ERBB4: variants seen among roughly 807,000 people sequenced by gnomAD.
ERBB4 encodes the protein erb-b2 receptor tyrosine kinase 4.
ERBB4 carries 42 observed loss-of-function variants against 158.0 expected under a neutral mutation model. The observed-to-expected ratio is 0.27, with a 90% CI of 0.21 to 0.34. ERBB4 has a LOEUF of 0.34. ERBB4 is among the 10% of genes least tolerant of loss of function. The pLI, the probability that ERBB4 is intolerant of heterozygous loss-of-function variation, is 1.00. For missense variants in ERBB4, 1,333 were observed against 1,624.1 expected (o/e 0.82, Z 3.08); for synonymous variants, 583 against 558.7 (o/e 1.04, Z -0.61).
At position 211,383,500 on chromosome 2, in the gene ERBB4, C is replaced by T. The variant is rs1323409710; in HGVS notation, c.*115G>A. 2.5e-6 allele frequency: 2 copies of T among 802,736 alleles called. No homozygotes were observed. The highest frequency in any genetic ancestry group is 2.5e-5 in the East Asian group (1 of 39,690). 49.7% of individuals were successfully genotyped at this position (802,736 alleles called of 1,614,324 possible). On this transcript the variant is annotated 3_prime_UTR_variant, in exon 28 of 28. Transcript: ENST00000342788. Reference sequence around the variant, plus strand: ...TATCATTGCATCTCTGTATCTTCCACTGGGAAGTGTCAAAACTACTGGCCT... The same window carrying T: ...TATCATTGCATCTCTGTATCTTCCATTGGGAAGTGTCAAAACTACTGGCCT...
At chr2:212,377,407 A>G (rs2090361049) in intron 1 of ERBB4, among the ~76,000 whole-genome samples, 1 of 151,844 alleles carries the variant, frequency 6.6e-6, no homozygotes, top group Non-Finnish European at 1.5e-5. Flanking sequence ...TTTAGGTGGT[A>G]TAGCCTTCTA....
chr2:212,395,145 C>G (rs1193791318), intron 1 of ERBB4, among the ~76,000 whole-genome samples: 1 of 152,068 alleles, frequency 6.6e-6, no homozygotes, highest in Non-Finnish European at 1.5e-5. Context: ...CTTGAGTTAT[C>G]TAATGCAGTA....
At chr2:211,773,949 A>T (rs73069338) in intron 4 of ERBB4, among the ~76,000 whole-genome samples, 19 of 151,784 alleles carry the variant, frequency 1.3e-4, no homozygotes, top group Admixed American at 1.2e-3. Context: ...ACTCTAGAAC[A>T]GGATTGTGCT....
At chr2:211,388,623 T>C (rs563391422) in intron 25 of ERBB4, among the ~76,000 whole-genome samples, 13 of 152,150 alleles carry the variant, frequency 8.5e-5, no homozygotes, top group African/African-American at 2.9e-4. Flanking sequence ...AATCAATTCC[T>C]TTCCTGAAAA....
intron 19 of ERBB4, among the ~76,000 whole-genome samples, chr2:211,607,378 A>G (rs1429858346): frequency 6.6e-6 from 1 of 152,164 alleles, no homozygotes; most frequent in African/African-American, 2.4e-5. Context: ...ACTCCCAAAG[A>G]ACTCTGTGTA....
rs1159145811 is a variant in ERBB4 at position 212,140,485 on chromosome 2, T to G, written c.83-15582A>C. On this transcript the variant is annotated intron_variant, in intron 1 of 27. Transcript: ENST00000342788. Reference sequence around the variant, plus strand: ...TTTCTAAATTTATACTAGTTTTAAGTATTGTAAATGTAAAAAGTATATTTC... The same window carrying G: ...TTTCTAAATTTATACTAGTTTTAAGGATTGTAAATGTAAAAAGTATATTTC... 3.4e-5 allele frequency among the ~76,000 whole-genome samples: 5 copies of G among 147,850 alleles called. No individual in the cohort carries two copies. In the East Asian group the frequency reaches 5.8e-4, roughly 17 times the overall value.
At chr2:212,385,314 T>C (rs2090639358) in intron 1 of ERBB4, among the ~76,000 whole-genome samples, 1 of 151,806 alleles carries the variant, frequency 6.6e-6, no homozygotes, top group Admixed American at 6.6e-5. Context: ...TTCAAATATA[T>C]GGAATATAGT....
At position 211,414,067 on chromosome 2, in the gene ERBB4, T is replaced by C. The variant is rs1437463446; in HGVS notation, c.3135+6374A>G. Among the ~76,000 whole-genome samples the C allele has an allele frequency of 2.0e-5, 3 of 152,082 alleles. No homozygotes were observed. In the East Asian group the frequency reaches 5.8e-4, roughly 29 times the overall value. ...TTCCTTATCTGCACAAAATATCTGG[T>C]GTAAACACTTGTGGGGGCGAGTTGG... On this transcript the variant is annotated intron_variant, in intron 25 of 27. Coordinates refer to ENST00000342788, the MANE Select transcript of ERBB4 (RefSeq NM_005235.3).
In ERBB4 at chr2:212,270,828, G is replaced by C. The variant is rs745968429; in HGVS notation, c.83-145925C>G. ...TGAGAGGGAGCTATTGGGAGAGGAGGAGAGAAATAGAGAGAGAGAGAGACC... is the reference window on the plus strand; with the variant it reads ...TGAGAGGGAGCTATTGGGAGAGGAGCAGAGAAATAGAGAGAGAGAGAGACC... On this transcript the variant is annotated intron_variant, in intron 1 of 27. Transcript: ENST00000342788. Among the ~76,000 whole-genome samples, 3 of 151,664 alleles carry C rather than the reference G, an allele frequency of 2.0e-5. No homozygotes were observed. In the East Asian group the frequency reaches 5.8e-4, roughly 29 times the overall value.
At chr2:212,271,099 A>G (rs2085326394) in intron 1 of ERBB4, among the ~76,000 whole-genome samples, 1 of 151,830 alleles carries the variant, frequency 6.6e-6, no homozygotes, top group South Asian at 2.1e-4. Context: ...CAGTTATCAT[A>G]TAATACATAA....
At chr2:212,291,249 G>T (rs1323182257) in intron 1 of ERBB4, among the ~76,000 whole-genome samples, 1 of 152,052 alleles carries the variant, frequency 6.6e-6, no homozygotes, top group Non-Finnish European at 1.5e-5. Context: ...CTCATGGCAA[G>T]TGTTCCTATA....
intron 1 of ERBB4, among the ~76,000 whole-genome samples, chr2:212,127,986 T>C (rs2125579079): frequency 6.6e-6 from 1 of 152,334 alleles, no homozygotes; most frequent in Non-Finnish European, 1.5e-5. Flanking sequence ...CCACCCACTC[T>C]GTGGTATGTT....
At position 211,380,743 on chromosome 2, in the gene ERBB4, T is replaced by C. The variant is rs2062561015; in HGVS notation, c.*2872A>G. ...GTGCTATTATAAAGCATTTGGGTCATTTTGGATTATTCCTACATGCATCTC... is the reference window on the plus strand; with the variant it reads ...GTGCTATTATAAAGCATTTGGGTCACTTTGGATTATTCCTACATGCATCTC... On this transcript the variant is annotated 3_prime_UTR_variant, in exon 28 of 28. Transcript: ENST00000342788. 4.3e-6 allele frequency: 1 copy of C among 231,880 alleles called. No individual in the cohort carries two copies. The highest frequency in any genetic ancestry group is 1.8e-4 in the South Asian group (1 of 5,518). 14.4% of individuals were successfully genotyped at this position (231,880 alleles called of 1,614,324 possible). A position where few individuals can be genotyped will look rare whatever the true frequency, so the allele number is the denominator to read the frequency against.
At chr2:212,446,040 C>T (rs772957529) in intron 1 of ERBB4, among the ~76,000 whole-genome samples, 1 of 152,092 alleles carries the variant, frequency 6.6e-6, no homozygotes, top group African/African-American at 2.4e-5. Context: ...GTATTGTTAA[C>T]TTTATGTAAT....
Position 211,563,278 on chromosome 2 carries a change from A to T in ERBB4, c.2302-1190T>A, listed in dbSNP as rs552901830. Among the ~76,000 whole-genome samples the T allele has an allele frequency of 6.6e-5, 10 of 152,326 alleles. No homozygotes were observed. The East Asian group carries it at 1.9e-3, about 29-fold the overall frequency. On this transcript the variant is annotated intron_variant, in intron 19 of 27. Coordinates refer to ENST00000342788, the MANE Select transcript of ERBB4 (RefSeq NM_005235.3). ...TTGATATGTGCTTTTATATTATGAAAGCCAATAAAATATTGTTCATCTCCT... is the reference window on the plus strand; with the variant it reads ...TTGATATGTGCTTTTATATTATGAATGCCAATAAAATATTGTTCATCTCCT...
chr2:212,201,011 C>T (rs939350238), intron 1 of ERBB4, among the ~76,000 whole-genome samples: 4 of 152,060 alleles, frequency 2.6e-5, no homozygotes, highest in African/African-American at 4.8e-5. Flanking sequence ...AGAATTTCCA[C>T]GAATGTCTAC....
intron 19 of ERBB4, among the ~76,000 whole-genome samples, chr2:211,574,706 ATAC>A (rs2067839734): frequency 6.6e-6 from 1 of 152,240 alleles, no homozygotes; most frequent in Non-Finnish European, 1.5e-5. Context: ...CAGGCTGTAG[ATAC>A]TACCACTAGG....
chr2:211,851,128 T>A (rs2077711509), intron 3 of ERBB4, among the ~76,000 whole-genome samples: 1 of 151,964 alleles, frequency 6.6e-6, no homozygotes. Flanking sequence ...TATACAACAC[T>A]TTTTGTTTTG....
intron 1 of ERBB4, among the ~76,000 whole-genome samples, chr2:212,167,151 A>G (rs975204142): frequency 6.6e-6 from 1 of 152,188 alleles, no homozygotes; most frequent in African/African-American, 2.4e-5. Context: ...CAGAGTGAAC[A>G]GGCAACCTAC....
Sources: allele counts gnomAD v4.1 joint callset (sites outside exome capture counted in the v4.1 genomes callset), GRCh38; gene constraint gnomAD v4.1.1; transcripts MANE v1.5; gene names NCBI Gene and HGNC (gene_info 2026-07-23, HGNC 2026-07-21).